ZC3H12C: variants seen among roughly 807,000 people sequenced by gnomAD.
The protein encoded by ZC3H12C is zinc finger CCCH-type containing 12C, also known as probable ribonuclease ZC3H12C.
A neutral mutation model predicts 76.3 loss-of-function variants in ZC3H12C; 20 were observed. The ratio of observed to expected loss-of-function variants is 0.26; its 90% CI spans 0.18 to 0.38. The LOEUF (loss-of-function observed/expected upper bound fraction) is 0.38. Among genes scored for constraint, ZC3H12C ranks in the 10% least tolerant of loss-of-function variants. The pLI, the probability that ZC3H12C is intolerant of heterozygous loss-of-function variation, is 1.00. For missense variants in ZC3H12C, 874 were observed against 1,086.5 expected (o/e 0.80, Z 2.75); for synonymous variants, 352 against 399.6 (o/e 0.88, Z 1.42).
At chr11:110,127,573 T>C (rs772214195) in intron 1 of ZC3H12C, among the ~76,000 whole-genome samples, 1 of 152,052 alleles carries the variant, frequency 6.6e-6, no homozygotes, top group Non-Finnish European at 1.5e-5. Context: ...ATAATAATCT[T>C]ACTTCCATGG....
intron 1 of ZC3H12C, among the ~76,000 whole-genome samples, chr11:110,095,368 G>A (rs1054156264): frequency 1.3e-5 from 2 of 152,164 alleles, no homozygotes; most frequent in Non-Finnish European, 2.9e-5. Context: ...TATCACAGAC[G>A]TAAAAATGTT....
At position 110,137,102 on chromosome 11, in the gene ZC3H12C, A is replaced by G; in HGVS notation, c.461A>G (p.Lys154Arg). Residue 154 changes from lysine (K) to arginine (R), a missense_variant, in exon 2 of 6, where the codon AAA becomes AGA. Lys to Arg is a conservative substitution (Grantham distance 26). Around this residue, in one of 3 missense-constraint regions of ZC3H12C, gnomAD observed 210 missense variants for 227.1 expected, o/e 0.92. Coordinates refer to ENST00000278590, the MANE Select transcript of ZC3H12C (RefSeq NM_033390.2). ...CAGACTACATCCAAGGAAGCAAAGA[A>G]ACCACCTGATGTGGTGCGAGAATAC... is the stretch of plus-strand genomic sequence containing the variant. ...ESQTTSKEAK[K>R]PPDVVREYQT... The G allele has an allele frequency of 1.2e-6, 2 of 1,613,944 alleles. No individual in the cohort carries two copies. Among genetic ancestry groups the G allele is most frequent in the Non-Finnish European group, 1.7e-6 (2 of 1,179,870 alleles).
At chr11:110,123,321 A>C (rs918741323) in intron 1 of ZC3H12C, among the ~76,000 whole-genome samples, 1 of 152,246 alleles carries the variant, frequency 6.6e-6, no homozygotes, top group Non-Finnish European at 1.5e-5. Flanking sequence ...ATTGAAGATA[A>C]TCTTTTTTAA....
intron 1 of ZC3H12C, among the ~76,000 whole-genome samples, chr11:110,100,658 C>T (rs1314867124): frequency 6.6e-6 from 1 of 152,066 alleles, no homozygotes; most frequent in African/African-American, 2.4e-5. Context: ...GATGTCACTA[C>T]TGTAATTTTG....
chr11:110,126,763 T>G lies in ZC3H12C; in HGVS notation c.22-9900T>G, dbSNP rs79411344. 1.6e-4 allele frequency among the ~76,000 whole-genome samples: 25 copies of G among 152,300 alleles called. No individual in the cohort carries two copies. The East Asian group carries it at 3.9e-3, about 23-fold the overall frequency. On this transcript the variant is annotated intron_variant, in intron 1 of 5. Transcript: ENST00000278590. ...TAATGCTACTTTCATTGATTTTTGT[T>G]GTCTTCCTTATTGGTTAATAATATT...
At chr11:110,143,705 A>G (rs1202702217) in intron 2 of ZC3H12C, among the ~76,000 whole-genome samples, 2 of 152,186 alleles carry the variant, frequency 1.3e-5, no homozygotes, top group Admixed American at 6.5e-5. Context: ...GTATATATGT[A>G]TAAAGACGGG....
Position 110,163,171 on chromosome 11 carries a change from C to CA in ZC3H12C, c.1149-94dup, listed in dbSNP as rs963736545. The CA allele has an allele frequency of 5.3e-4, 518 of 981,764 alleles. 1 individual carries two copies. The highest frequency in any genetic ancestry group is 8.7e-4 in the Middle Eastern group (4 of 4,580). 60.8% of individuals were successfully genotyped at this position (981,764 alleles called of 1,614,324 possible). A position where few individuals can be genotyped will look rare whatever the true frequency, so the allele number is the denominator to read the frequency against. Reference sequence around the variant, plus strand: ...AATCAAAACACTTGGATTAAAATTGCAAAAAAAATTCCTTATAGAGGGAAC... The same window carrying CA: ...AATCAAAACACTTGGATTAAAATTGCAAAAAAAAATTCCTTATAGAGGGAAC... On this transcript the variant is annotated intron_variant, in intron 4 of 5. Coordinates refer to ENST00000278590, the MANE Select transcript of ZC3H12C (RefSeq NM_033390.2).
At chr11:110,111,929 A>G (rs1296144971) in intron 1 of ZC3H12C, among the ~76,000 whole-genome samples, 1 of 151,788 alleles carries the variant, frequency 6.6e-6, no homozygotes, top group African/African-American at 2.4e-5. Context: ...TATCCTCCCC[A>G]CATCCCCATC....
intron 1 of ZC3H12C, among the ~76,000 whole-genome samples, chr11:110,105,951 G>T (rs1565247941): frequency 6.6e-6 from 1 of 152,152 alleles, no homozygotes; most frequent in Non-Finnish European, 1.5e-5. Flanking sequence ...ATTCCTAGAT[G>T]TGGCCATGCA....
intron 2 of ZC3H12C, among the ~76,000 whole-genome samples, chr11:110,152,450 T>C (rs1345060935): frequency 1.3e-5 from 2 of 152,236 alleles, no homozygotes; most frequent in Non-Finnish European, 2.9e-5. Context: ...TATTCAGTCA[T>C]TGAGTATTGA....
rs780272912 is a variant in ZC3H12C at position 110,159,347 on chromosome 11, C to T, written c.1005C>T (p.Asp335=). ...AGGGGAGGAGAGTGGTGTGCTATGA[C>T]GACAGGTTCATCGTGAAGCTGGCTT... ...RVQGRRVVCY[D]DRFIVKLAFE... The change falls in exon 4 of 6, where the codon GAC becomes GAT. Residue 335 remains aspartate, a synonymous_variant. Coordinates refer to ENST00000278590, the MANE Select transcript of ZC3H12C (RefSeq NM_033390.2). 19 of 1,613,852 alleles carry T rather than the reference C, an allele frequency of 1.2e-5. No individual in the cohort carries two copies. The East Asian group carries it at 1.6e-4, about 13-fold the overall frequency.
intron 1 of ZC3H12C, chr11:110,135,723 T>G (rs1861946145): frequency 6.6e-6 from 1 of 151,998 alleles, no homozygotes; most frequent in Admixed American, 6.6e-5. Flanking sequence ...AAATGCAGAT[T>G]AATGGCTAGT....
chr11:110,148,647 A>G (rs1862213039), intron 2 of ZC3H12C, among the ~76,000 whole-genome samples: 1 of 152,250 alleles, frequency 6.6e-6, no homozygotes, highest in South Asian at 2.1e-4. Flanking sequence ...CCTTATTGCC[A>G]AATTGTTGGG....
At chr11:110,115,301 T>G in intron 1 of ZC3H12C, among the ~76,000 whole-genome samples, 1 of 151,588 alleles carries the variant, frequency 6.6e-6, no homozygotes, top group Non-Finnish European at 1.5e-5. Context: ...ATTTTTTCAT[T>G]TATTTATTTA....
intron 1 of ZC3H12C, among the ~76,000 whole-genome samples, chr11:110,112,379 T>C (rs1185253317): frequency 1.3e-5 from 2 of 151,824 alleles, no homozygotes; most frequent in Non-Finnish European, 2.9e-5. Context: ...TTTGTAGAGA[T>C]GGGATTTTGC....
chr11:110,145,112 ACCT>A (rs1387336878), intron 2 of ZC3H12C, among the ~76,000 whole-genome samples: 1 of 152,140 alleles, frequency 6.6e-6, no homozygotes, highest in Admixed American at 6.5e-5. Context: ...TACAAAACCC[ACCT>A]CTATTATCTA....
chr11:110,131,085 G>A, intron 1 of ZC3H12C: 1 of 1,534,296 alleles, frequency 6.5e-7, no homozygotes, highest in Non-Finnish European at 8.7e-7. Context: ...AGAAACCAAT[G>A]TCTTTGTATT....
chr11:110,125,269 TAGTG>T (rs1244437785), intron 1 of ZC3H12C, among the ~76,000 whole-genome samples: 2 of 120,100 alleles, frequency 1.7e-5, no homozygotes, highest in Non-Finnish European at 3.5e-5. Flanking sequence ...GATCTCTCAC[TAGTG>T]TGTGTGTGTG....
intron 1 of ZC3H12C, among the ~76,000 whole-genome samples, chr11:110,117,706 A>ATATATATACACACACATATATATAT (rs1312047224): frequency 0.01 from 148 of 14,338 alleles, 7 homozygotes; most frequent in African/African-American, 0.048. Flanking sequence ...CATATATATT[A>ATATATATACACACACATATATATAT]TATATATACA....
Sources: gnomAD v4.1 joint callset for allele counts (sites outside exome capture counted in the v4.1 genomes callset) on GRCh38, gnomAD v4.1.1 for gene constraint, gnomAD v4.1.1 regional missense constraint, MANE v1.5 for transcripts, NCBI Gene and HGNC (gene_info 2026-07-23, HGNC 2026-07-21) for gene names.